SYNRG: variants seen among roughly 807,000 people sequenced by gnomAD.
The protein encoded by SYNRG is AP1 gamma subunit binding protein 1.
In SYNRG, 37 loss-of-function variants were observed where a neutral mutation model predicts 130.9. The ratio of observed to expected loss-of-function variants is 0.28; its 90% CI spans 0.22 to 0.37. The LOEUF (loss-of-function observed/expected upper bound fraction) is 0.37. Ranked by LOEUF, SYNRG falls within the 10% of genes least tolerant of loss-of-function variation. SYNRG has a pLI of 1.00. For synonymous variants in SYNRG, 539 were observed against 568.1 expected (o/e 0.95, Z 0.73); for missense variants, 1,338 against 1,588.9 (o/e 0.84, Z 2.68).
At chr17:37,529,759 A>G in intron 19 of SYNRG, 1 of 1,549,396 alleles carries the variant, frequency 6.5e-7, no homozygotes, top group Non-Finnish European at 8.7e-7. Context: ...CAAGCTTGGC[A>G]AGTACGCCTG....
chr17:37,607,977 A>AAAAAAAAAAAAAC (rs1555802869), intron 1 of SYNRG, among the ~76,000 whole-genome samples: 2 of 121,602 alleles, frequency 1.6e-5, no homozygotes, highest in East Asian at 2.3e-4. Context: ...AAAAAAAAAA[A>AAAAAAAAAAAAAC]AAACAAGACA....
At chr17:37,596,444 T>G (rs1419202719) in intron 2 of SYNRG, 100 bp from the exon 3 acceptor site, 3 of 1,376,616 alleles carry the variant, frequency 2.2e-6, no homozygotes, top group Non-Finnish European at 2.0e-6. Flanking sequence ...GGAAGCAGAG[T>G]GTAATGGAAA....
chr17:37,580,510 T>TGAGAGA (rs71135748), intron 6 of SYNRG, among the ~76,000 whole-genome samples: 47 of 127,718 alleles, frequency 3.7e-4, no homozygotes, highest in Admixed American at 1.2e-3. Context: ...TGTGTGTGTG[T>TGAGAGA]GAGAGAGAGA....
intron 10 of SYNRG, 140 bp from the exon 11 acceptor site, chr17:37,569,064 T>C (rs969922613): frequency 5.4e-5 from 46 of 858,810 alleles, no homozygotes; most frequent in Non-Finnish European, 7.0e-5. Context: ...GCAGGAATCC[T>C]GTTTTGTATT....
At position 37,516,468 on chromosome 17, in the gene SYNRG, C is replaced by A. The variant is rs1347332228; in HGVS notation, c.*2472G>T. ...CCTCCCAAGGAGTGACTAAGCCTAC[C>A]ATCCTTGGTAAGGAAAATGGGGATT... is the stretch of plus-strand genomic sequence containing the variant. On this transcript the variant is annotated 3_prime_UTR_variant, in exon 22 of 22. Transcript: ENST00000612223. The A allele has an allele frequency of 6.6e-6, 1 of 152,112 alleles. No homozygotes were observed. Among genetic ancestry groups the A allele is most frequent in the African/African-American group, 2.4e-5 (1 of 41,400 alleles). The allele number at this position is 152,112 out of a possible 1,614,324, so 9.4% of individuals were successfully genotyped here. A position where few individuals can be genotyped will look rare whatever the true frequency, so the allele number is the denominator to read the frequency against.
At chr17:37,533,403 G>GA (rs368807571) in intron 19 of SYNRG, among the ~76,000 whole-genome samples, 63 of 139,792 alleles carry the variant, frequency 4.5e-4, no homozygotes, top group South Asian at 4.6e-4. Flanking sequence ...TCTGTCTGGG[G>GA]AAAAAAAAAA....
intron 1 of SYNRG, among the ~76,000 whole-genome samples, chr17:37,601,875 G>C (rs1168585759): frequency 2.0e-5 from 3 of 151,950 alleles, no homozygotes; most frequent in African/African-American, 7.3e-5. Context: ...ATGATGGCCA[G>C]GCTGGTCTTG....
intron 1 of SYNRG, among the ~76,000 whole-genome samples, chr17:37,604,424 C>T (rs916790486): frequency 6.6e-6 from 1 of 152,180 alleles, no homozygotes; most frequent in Non-Finnish European, 1.5e-5. Context: ...TCCAACTTTT[C>T]TTCTGCAGCT....
chr17:37,577,257 T>C lies in SYNRG; in HGVS notation c.823+123A>G, dbSNP rs537022556. On this transcript the variant is annotated intron_variant, in intron 7 of 21. Coordinates refer to ENST00000612223, the MANE Select transcript of SYNRG (RefSeq NM_007247.6). ...TGGAGAAAGGAATGCATTAAATATA[T>C]TTCAAGCAAAATTTCGATTAGCAAA... is the stretch of plus-strand genomic sequence containing the variant. 19 of 881,592 alleles carry C rather than the reference T, an allele frequency of 2.2e-5. No individual in the cohort carries two copies. In the East Asian group the frequency reaches 4.6e-4, roughly 21 times the overall value. 54.6% of individuals were successfully genotyped at this position (881,592 alleles called of 1,614,324 possible). A position where few individuals can be genotyped will look rare whatever the true frequency, so the allele number is the denominator to read the frequency against.
At chr17:37,604,034 AGT>A (rs2063519838) in intron 1 of SYNRG, among the ~76,000 whole-genome samples, 1 of 152,118 alleles carries the variant, frequency 6.6e-6, no homozygotes, top group Non-Finnish European at 1.5e-5. Context: ...TGAGGTCAGG[AGT>A]ATGTGACCAG....
intron 19 of SYNRG, chr17:37,529,909 G>C: frequency 1.3e-6 from 2 of 1,482,070 alleles, no homozygotes; most frequent in South Asian, 1.2e-5. Flanking sequence ...TAGTTTTCAA[G>C]TGTTAACTGC....
intron 3 of SYNRG, among the ~76,000 whole-genome samples, chr17:37,589,706 G>A (rs1031249515): frequency 2.0e-5 from 3 of 151,172 alleles, no homozygotes; most frequent in South Asian, 2.1e-4. Context: ...CCAAGATCGC[G>A]TCACCACACT....
chr17:37,542,166 G>A lies in SYNRG; in HGVS notation c.3008C>T (p.Thr1003Met), dbSNP rs141314630. Residue 1003 changes from threonine (T) to methionine (M), a missense_variant, in exon 15 of 22, where the codon ACG (threonine) becomes ATG (methionine). This residue lies in a region of SYNRG where 1,146 missense variants were observed against 1,342.3 expected (regional missense o/e 0.85). Coordinates refer to ENST00000612223, the MANE Select transcript of SYNRG (RefSeq NM_007247.6). ...LPTAERSQEA[T>M]CPSPASSGAS... is the part of the protein sequence containing the mutation. ...ACCACTGGACGCTGGGCTGGGACACGTGGCCTCCTGGCTCCGTTCAGCCGT... is the reference window on the plus strand; with the variant it reads ...ACCACTGGACGCTGGGCTGGGACACATGGCCTCCTGGCTCCGTTCAGCCGT... 703 of 1,614,212 alleles carry A rather than the reference G, an allele frequency of 4.4e-4. 7 individuals are homozygous for A. The South Asian group carries it at 6.2e-3, about 14-fold the overall frequency.
chr17:37,585,505 G>GT lies in SYNRG; in HGVS notation c.372-76dup, dbSNP rs1273129333. 15 of 1,024,678 alleles carry GT rather than the reference G, an allele frequency of 1.5e-5. No homozygotes were observed. In the East Asian group the frequency reaches 1.7e-4, roughly 12 times the overall value. 63.5% of individuals were successfully genotyped at this position (1,024,678 alleles called of 1,614,324 possible). ...GTGTTTTATATTCAGATTTCTAACA[G>GT]TTTCAGCAATATCATGTTGCACTTC... On this transcript the variant is annotated intron_variant, in intron 4 of 21. Coordinates refer to ENST00000612223, the MANE Select transcript of SYNRG (RefSeq NM_007247.6).
chr17:37,520,630 C>A lies in SYNRG; in HGVS notation c.3685G>T (p.Asp1229Tyr). 1 of 1,614,170 alleles carries A rather than the reference C, an allele frequency of 6.2e-7. No individual in the cohort carries two copies. The highest frequency in any genetic ancestry group is 8.5e-7 in the Non-Finnish European group (1 of 1,180,014). Residue 1229 changes from aspartate to tyrosine, a missense_variant, in exon 20 of 22, where the codon GAT (aspartate) becomes TAT (tyrosine). Physicochemically the swap from Asp to Tyr is radical, Grantham distance 160. Coordinates refer to ENST00000612223, the MANE Select transcript of SYNRG (RefSeq NM_007247.6). Reference protein sequence around the residue: ...ATLTPDENSLDFSSCMLRPGI... With the variant: ...ATLTPDENSLYFSSCMLRPGI... ...GGCCGTAACATACAGGAGGAAAAAT[C>A]CAGCGAGTTTTCATCTGGCTGTGAG...
Position 37,609,224 on chromosome 17 carries a change from C to A in SYNRG, c.77+55G>T, listed in dbSNP as rs1471887382. On this transcript the variant is annotated intron_variant, in intron 1 of 21. Transcript: ENST00000612223. Reference sequence around the variant, plus strand: ...AGAAAACTGCCATAACTGCCAAGCGCCCCTCGCCGCCCCCGCGGAGGCCAG... The same window carrying A: ...AGAAAACTGCCATAACTGCCAAGCGACCCTCGCCGCCCCCGCGGAGGCCAG... 9.4e-6 allele frequency: 13 copies of A among 1,383,304 alleles called. 1 individual carries two copies. Among genetic ancestry groups the A allele is most frequent in the South Asian group, 3.2e-5 (2 of 62,312 alleles). 85.7% of individuals were successfully genotyped at this position (1,383,304 alleles called of 1,614,324 possible).
At chr17:37,600,263 T>A (rs2063150884) in intron 2 of SYNRG, 100 bp downstream of exon 2, 2 of 1,098,404 alleles carry the variant, frequency 1.8e-6, no homozygotes, top group African/African-American at 1.6e-5. Flanking sequence ...TTTACTCTAT[T>A]CAGCAGCAAC....
chr17:37,569,359 G>T (rs371772228), intron 10 of SYNRG, among the ~76,000 whole-genome samples: 1 of 145,664 alleles, frequency 6.9e-6, no homozygotes, highest in Non-Finnish European at 1.5e-5. Context: ...GCAGTGAGCC[G>T]AGATTGTGCC....
Position 37,586,532 on chromosome 17 carries a change from T to A in SYNRG, c.258A>T (p.Gly86=). 2 of 1,614,132 alleles carry A rather than the reference T, an allele frequency of 1.2e-6. No individual in the cohort carries two copies. The highest frequency in any genetic ancestry group is 1.7e-6 in the Non-Finnish European group (2 of 1,180,012). The change falls in exon 4 of 22, where the codon GGA becomes GGT. Residue 86 remains glycine, a synonymous_variant. Coordinates refer to ENST00000612223, the MANE Select transcript of SYNRG (RefSeq NM_007247.6). ...AAGGCATTCCCGCTGCTGGCATTGG[T>A]CCCATTGGTATTCCTGCCTAGAAGA... ...PIAMQAGIPM[G]PMPAAGMPYL... is the part of the protein sequence containing the mutation.
Sources: allele counts gnomAD v4.1 joint callset (sites outside exome capture counted in the v4.1 genomes callset), GRCh38; gene constraint gnomAD v4.1.1; regional missense constraint gnomAD v4.1.1; transcripts MANE v1.5; gene names NCBI Gene and HGNC (gene_info 2026-07-23, HGNC 2026-07-21).